The following GABRB1 variants were observed in gnomAD, a reference collection of about 807,000 sequenced individuals.
GABRB1 encodes the protein gamma-aminobutyric acid type A receptor subunit beta1.
In GABRB1, 17 loss-of-function variants were observed where a neutral mutation model predicts 51.6. The observed-to-expected ratio is 0.33, with a 90% CI of 0.23 to 0.49. GABRB1 has a LOEUF of 0.49. GABRB1 is among the 20% of genes least tolerant of loss of function. GABRB1 has a pLI of 0.99. For synonymous variants in GABRB1, 247 were observed against 218.9 expected (o/e 1.13, Z -1.14); for missense variants, 410 against 600.6 (o/e 0.68, Z 3.32).
chr4:47,420,308 A>T (rs1053700512), intron 8 of GABRB1, among the ~76,000 whole-genome samples: 2 of 152,190 alleles, frequency 1.3e-5, no homozygotes, highest in Non-Finnish European at 2.9e-5. Flanking sequence ...AGAGGGGAGA[A>T]GGAGAAAAGA....
Position 47,031,982 on chromosome 4 carries a change from T to C in GABRB1, c.149T>C (p.Ile50Thr). Residue 50 changes from isoleucine to threonine, a missense_variant, in exon 2 of 9, where the codon ATT (isoleucine) becomes ACT (threonine). Ile to Thr is a moderately conservative substitution (Grantham distance 89, BLOSUM62 -1). Around this residue, in one of 5 missense-constraint regions of GABRB1, gnomAD observed 100 missense variants for 184.3 expected, o/e 0.54. Coordinates refer to ENST00000295454, the MANE Select transcript of GABRB1 (RefSeq NM_000812.4). ...GACAGATTGCTCAAAGGATATGACA[T>C]TCGCTTGCGGCCGGACTTCGGAGGT... ...TVDRLLKGYD[I>T]RLRPDFGGPP... 6.2e-7 allele frequency: 1 copy of C among 1,613,490 alleles called. No homozygotes were observed. The highest frequency in any genetic ancestry group is 8.5e-7 in the Non-Finnish European group (1 of 1,179,954).
chr4:47,053,349 G>A (rs1396398067), intron 3 of GABRB1, among the ~76,000 whole-genome samples: 2 of 152,128 alleles, frequency 1.3e-5, no homozygotes, highest in African/African-American at 2.4e-5. Context: ...CTGGTGTCTG[G>A]TGAGGTCTTC....
intron 4 of GABRB1, among the ~76,000 whole-genome samples, chr4:47,219,692 T>C (rs1720695794): frequency 1.3e-5 from 2 of 151,874 alleles, no homozygotes. Flanking sequence ...CAATCCCGTG[T>C]GTCATCTCCA....
At chr4:47,028,096 T>A (rs1039202320), upstream of GABRB1, among the ~76,000 whole-genome samples, 1 of 151,818 alleles carries the variant, frequency 6.6e-6, no homozygotes, top group African/African-American at 2.4e-5. Flanking sequence ...ATTTTAAAAA[T>A]TGTATTCATT....
At chr4:47,190,000 A>G (rs763566293) in intron 4 of GABRB1, among the ~76,000 whole-genome samples, 4 of 152,036 alleles carry the variant, frequency 2.6e-5, no homozygotes, top group Non-Finnish European at 4.4e-5. Context: ...ATGATTCCAG[A>G]AAGATTTGGA....
intron 4 of GABRB1, among the ~76,000 whole-genome samples, chr4:47,281,139 C>A (rs983533710): frequency 8.6e-5 from 13 of 151,986 alleles, no homozygotes; most frequent in Admixed American, 8.5e-4. Flanking sequence ...ATTTACAAAC[C>A]ATTTATCTGA....
At chr4:47,223,546 C>T (rs1258965580) in intron 4 of GABRB1, among the ~76,000 whole-genome samples, 2 of 151,906 alleles carry the variant, frequency 1.3e-5, no homozygotes, top group Admixed American at 6.6e-5. Context: ...TAAATCATTA[C>T]AAGATTGTTG....
chr4:47,138,122 A>AT (rs1193808446), intron 3 of GABRB1, among the ~76,000 whole-genome samples: 3 of 152,046 alleles, frequency 2.0e-5, no homozygotes, highest in Non-Finnish European at 4.4e-5. Flanking sequence ...GAAACAAAAA[A>AT]TTGATGGGAC....
chr4:47,316,621 G>C (rs561305295), intron 4 of GABRB1, among the ~76,000 whole-genome samples: 46 of 152,008 alleles, frequency 3.0e-4, no homozygotes, highest in African/African-American at 1.1e-3. Flanking sequence ...AGAGCATTGA[G>C]CACCAAGTAA....
intron 3 of GABRB1, among the ~76,000 whole-genome samples, chr4:47,057,357 T>G (rs1310832506): frequency 6.6e-6 from 1 of 152,238 alleles, no homozygotes; most frequent in African/African-American, 2.4e-5. Flanking sequence ...ATTCATTGAA[T>G]TTTGATTAAT....
intron 4 of GABRB1, among the ~76,000 whole-genome samples, chr4:47,266,394 T>G (rs1412923327): frequency 6.6e-6 from 1 of 152,204 alleles, no homozygotes; most frequent in Non-Finnish European, 1.5e-5. Context: ...TAGGATTGTT[T>G]TGGCCATTTG....
intron 3 of GABRB1, among the ~76,000 whole-genome samples, chr4:47,087,541 C>CTT (rs71654862): frequency 5.5e-4 from 77 of 139,626 alleles, no homozygotes; most frequent in African/African-American, 1.3e-3. Context: ...TTAGCACTTT[C>CTT]TTTTTTTTTT....
chr4:47,085,676 G>A (rs572985229), intron 3 of GABRB1, among the ~76,000 whole-genome samples: 27 of 152,174 alleles, frequency 1.8e-4, no homozygotes, highest in Non-Finnish European at 3.5e-4. Flanking sequence ...TAAAACCTAA[G>A]TGTCTTAAAA....
At chr4:47,004,953 T>A (rs1724341640) in intron 1 of GABRB1, among the ~76,000 whole-genome samples, 1 of 152,202 alleles carries the variant, frequency 6.6e-6, no homozygotes, top group Non-Finnish European at 1.5e-5. Context: ...CTAAGGCATA[T>A]ATAGAAACAG....
chr4:47,166,332 A>G (rs1464481020), intron 4 of GABRB1, among the ~76,000 whole-genome samples: 1 of 151,818 alleles, frequency 6.6e-6, no homozygotes, highest in Non-Finnish European at 1.5e-5. Flanking sequence ...CTTCCCTGTC[A>G]TCCACTTCTG....
chr4:47,047,270 G>T (rs1726137315), intron 3 of GABRB1, among the ~76,000 whole-genome samples: 1 of 152,108 alleles, frequency 6.6e-6, no homozygotes, highest in Admixed American at 6.6e-5. Flanking sequence ...CTTCAGGCTG[G>T]AAATATAATC....
At chr4:47,034,345 T>C (rs1725462117) in intron 3 of GABRB1, among the ~76,000 whole-genome samples, 1 of 152,170 alleles carries the variant, frequency 6.6e-6, no homozygotes, top group Non-Finnish European at 1.5e-5. Flanking sequence ...AATTAGTTGT[T>C]CAACTGAATT....
chr4:47,297,744 C>T (rs1000821961), intron 4 of GABRB1, among the ~76,000 whole-genome samples: 44 of 152,170 alleles, frequency 2.9e-4, no homozygotes, highest in Admixed American at 7.2e-4. Flanking sequence ...GGGAATCCTC[C>T]CTAACTCATT....
At chr4:47,237,876 AT>A (rs1721385496) in intron 4 of GABRB1, among the ~76,000 whole-genome samples, 3 of 152,084 alleles carry the variant, frequency 2.0e-5, no homozygotes, top group Non-Finnish European at 4.4e-5. Flanking sequence ...GATTTTAAAA[AT>A]ACATTGATTC....
Sources: gnomAD v4.1 joint callset for allele counts (sites outside exome capture counted in the v4.1 genomes callset) on GRCh38, gnomAD v4.1.1 for gene constraint, gnomAD v4.1.1 regional missense constraint, MANE v1.5 for transcripts, NCBI Gene and HGNC (gene_info 2026-07-23, HGNC 2026-07-21) for gene names.